The following RPGRIP1 variants were observed in gnomAD, a reference collection of about 807,000 sequenced individuals.
The protein encoded by RPGRIP1 is X-linked retinitis pigmentosa GTPase regulator-interacting protein 1.
A neutral mutation model predicts 157.9 loss-of-function variants in RPGRIP1; 128 were observed. The ratio of observed to expected loss-of-function variants is 0.81; its 90% CI spans 0.70 to 0.94. The LOEUF (loss-of-function observed/expected upper bound fraction) is 0.94, where lower values mean the gene tolerates loss of function less well. Among genes scored for constraint, RPGRIP1 ranks in the 40% least tolerant of loss-of-function variants. RPGRIP1 has a pLI of 0.00. For synonymous variants in RPGRIP1, 554 were observed against 571.6 expected (o/e 0.97, Z 0.44); for missense variants, 1,486 against 1,545.8 (o/e 0.96, Z 0.65).
chr14:21,293,128 A>G (rs1387901561), intron 2 of RPGRIP1, among the ~76,000 whole-genome samples: 1 of 152,154 alleles, frequency 6.6e-6, no homozygotes, highest in African/African-American at 2.4e-5. Context: ...CCTGGGCAAA[A>G]AGAGCGAAAC....
chr14:21,303,997 A>AG (rs141377760), intron 6 of RPGRIP1, among the ~76,000 whole-genome samples: 33,649 of 145,504 alleles, frequency 0.23, 4,279 homozygotes, highest in South Asian at 0.28. Context: ...TCAAAAAAAA[A>AG]AAAAGAAAAG....
chr14:21,293,748 T>G (rs565137991), intron 2 of RPGRIP1, among the ~76,000 whole-genome samples: 1 of 152,124 alleles, frequency 6.6e-6, no homozygotes, highest in Admixed American at 6.5e-5. Flanking sequence ...GTGTGGTGGC[T>G]GGCGCCTATA....
At chr14:21,310,780 G>A (rs1881508683) in intron 8 of RPGRIP1, 173 bp downstream of exon 8, 2 of 669,944 alleles carry the variant, frequency 3.0e-6, no homozygotes, top group Admixed American at 2.3e-5. Context: ...AAAAGATACA[G>A]ATACTTATTG....
intron 1 of RPGRIP1, among the ~76,000 whole-genome samples, chr14:21,280,438 G>T (rs1437529577): frequency 6.6e-6 from 1 of 151,882 alleles, no homozygotes; most frequent in Admixed American, 6.6e-5. Flanking sequence ...TAGAGACGGG[G>T]TTTCACCATG....
At position 21,325,280 on chromosome 14, in the gene RPGRIP1, G is replaced by C. The variant is rs754461580; in HGVS notation, c.2264G>C (p.Arg755Pro). 1.2e-6 allele frequency: 2 copies of C among 1,613,562 alleles called. No individual in the cohort carries two copies. The highest frequency in any genetic ancestry group is 1.7e-6 in the Non-Finnish European group (2 of 1,179,714). The change falls in exon 16 of 25, where the codon CGT (arginine) becomes CCT (proline). Residue 755 changes from arginine to proline, a missense_variant. Transcript: ENST00000400017. Reference sequence around the variant, plus strand: ...GTTCTAGAGTACTGGATGAGGCTGCGTTTCCCCATAAAACCCAGCCTACAG... The same window carrying C: ...GTTCTAGAGTACTGGATGAGGCTGCCTTTCCCCATAAAACCCAGCCTACAG... ...FGVLEYWMRL[R>P]FPIKPSLQAC... is the part of the protein sequence containing the mutation.
chr14:21,284,007 T>A (rs774513310), intron 1 of RPGRIP1, among the ~76,000 whole-genome samples: 7 of 152,202 alleles, frequency 4.6e-5, no homozygotes, highest in Non-Finnish European at 7.3e-5. Context: ...TTTCTTAAAA[T>A]AGGCATGCTA....
chr14:21,348,881 G>A (rs1594282910), intron 24 of RPGRIP1, among the ~76,000 whole-genome samples: 1 of 151,664 alleles, frequency 6.6e-6, no homozygotes, highest in Non-Finnish European at 1.5e-5. Context: ...GACTGGTCTC[G>A]AACTCCTGAC....
intron 3 of RPGRIP1, among the ~76,000 whole-genome samples, chr14:21,300,010 C>T (rs1218085510): frequency 1.3e-5 from 2 of 152,098 alleles, no homozygotes; most frequent in African/African-American, 4.8e-5. Context: ...TAATAACCTC[C>T]AAAGGCCGGG....
intron 1 of RPGRIP1, among the ~76,000 whole-genome samples, chr14:21,285,462 G>A (rs1446605271): frequency 2.0e-5 from 3 of 151,750 alleles, no homozygotes; most frequent in Admixed American, 6.6e-5. Context: ...AAAATTAGCC[G>A]GGCATGGTGG....
chr14:21,328,598 C>T lies in RPGRIP1; in HGVS notation c.3070C>T (p.Leu1024Phe), dbSNP rs1287851951. The T allele has an allele frequency of 6.2e-7, 1 of 1,613,376 alleles. No homozygotes were observed. Among genetic ancestry groups the T allele is most frequent in the East Asian group, 2.2e-5 (1 of 44,880 alleles). Residue 1024 changes from leucine to phenylalanine, a missense_variant, in exon 19 of 25, where the codon CTT becomes TTT. Coordinates refer to ENST00000400017, the MANE Select transcript of RPGRIP1 (RefSeq NM_020366.4). ...QGKNRMEYLS[L>F]NILNGNTPEQ... ...AAAGAATAGAATGGAGTATCTTAGC[C>T]TTAACATCTTAAATGGAAATACACC...
At position 21,307,762 on chromosome 14, in the gene RPGRIP1, C is replaced by A. The variant is rs587783018; in HGVS notation, c.832C>A (p.Arg278=). The change falls in exon 7 of 25, where the codon CGA becomes AGA. Residue 278 remains arginine (R), a synonymous_variant. Coordinates refer to ENST00000400017, the MANE Select transcript of RPGRIP1 (RefSeq NM_020366.4). ...ASIKEKVELI[R]LKKLLHERNA... is the part of the protein sequence containing the mutation. ...CATTAAAGAGAAGGTAGAGCTGATT[C>A]GACTTAAGAAGCTCTTACATGAAAG... 5 of 1,566,808 alleles carry A rather than the reference C, an allele frequency of 3.2e-6. No homozygotes were observed. Among genetic ancestry groups the A allele is most frequent in the South Asian group, 1.2e-5 (1 of 84,416 alleles).
At position 21,287,972 on chromosome 14, in the gene RPGRIP1, A is replaced by G; in HGVS notation, c.-5A>G. On this transcript the variant is annotated 5_prime_UTR_variant, in exon 2 of 25. Coordinates refer to ENST00000400017, the MANE Select transcript of RPGRIP1 (RefSeq NM_020366.4). ...GGGATCTCTTACAGCTTGGGAACAG[A>G]GATCATGTCACATCTGGTGGACCCT... is the stretch of plus-strand genomic sequence containing the variant. The G allele has an allele frequency of 6.2e-7, 1 of 1,606,416 alleles. No homozygotes were observed. The highest frequency in any genetic ancestry group is 8.5e-7 in the Non-Finnish European group (1 of 1,173,958).
intron 7 of RPGRIP1, among the ~76,000 whole-genome samples, chr14:21,309,482 G>A (rs951155103): frequency 1.3e-5 from 2 of 151,900 alleles, no homozygotes; most frequent in South Asian, 4.2e-4. Context: ...ATCCCGATAC[G>A]GCACCTCAGC....
intron 6 of RPGRIP1, among the ~76,000 whole-genome samples, chr14:21,306,901 G>T (rs563450550): frequency 1.9e-4 from 28 of 150,700 alleles, no homozygotes; most frequent in African/African-American, 6.8e-4. Context: ...TCAGCCTCCT[G>T]AGTAGCTGGG....
At chr14:21,329,587 C>T (rs1464675702) in intron 19 of RPGRIP1, among the ~76,000 whole-genome samples, 2 of 149,178 alleles carry the variant, frequency 1.3e-5, no homozygotes, top group African/African-American at 2.5e-5. Context: ...CTGCAACCTC[C>T]GCCTCCCAGG....
At chr14:21,292,151 C>CAGGA (rs1880556668) in intron 2 of RPGRIP1, among the ~76,000 whole-genome samples, 1 of 152,134 alleles carries the variant, frequency 6.6e-6, no homozygotes, top group Admixed American at 6.6e-5. Flanking sequence ...CATGGCCTTC[C>CAGGA]AAAGTGTTGA....
Position 21,324,745 on chromosome 14 carries a change from G to A in RPGRIP1, c.1890G>A (p.Leu630=). Residue 630 remains leucine (L), a synonymous_variant, in exon 15 of 25, where the codon CTG becomes CTA. Coordinates refer to ENST00000400017, the MANE Select transcript of RPGRIP1 (RefSeq NM_020366.4). ...LLHQGENLFE[L]HIHQAFLTSA... Reference sequence around the variant, plus strand: ...ATCAGGGTGAGAATCTTTTTGAACTGCACATCCACCAGGCCTTCCTGACAT... The same window carrying A: ...ATCAGGGTGAGAATCTTTTTGAACTACACATCCACCAGGCCTTCCTGACAT... 6.2e-7 allele frequency: 1 copy of A among 1,614,016 alleles called. No homozygotes were observed. The highest frequency in any genetic ancestry group is 8.5e-7 in the Non-Finnish European group (1 of 1,179,898).
At position 21,324,753 on chromosome 14, in the gene RPGRIP1, A is replaced by T; in HGVS notation, c.1898A>T (p.His633Leu). ...GAGAATCTTTTTGAACTGCACATCC[A>T]CCAGGCCTTCCTGACATCTGCCGCC... ...QGENLFELHI[H>L]QAFLTSAALA... The change falls in exon 15 of 25, where the codon CAC (histidine) becomes CTC (leucine). Residue 633 changes from histidine to leucine, a missense_variant. His to Leu is a moderately conservative substitution (Grantham distance 99). Coordinates refer to ENST00000400017, the MANE Select transcript of RPGRIP1 (RefSeq NM_020366.4). The T allele has an allele frequency of 6.2e-7, 1 of 1,614,008 alleles. No individual in the cohort carries two copies. Among genetic ancestry groups the T allele is most frequent in the Non-Finnish European group, 8.5e-7 (1 of 1,179,892 alleles).
intron 13 of RPGRIP1, 73 bp from the exon 14 acceptor site, chr14:21,321,781 C>T (rs557833671): frequency 1.4e-6 from 2 of 1,454,832 alleles, no homozygotes; most frequent in South Asian, 1.3e-5. Context: ...TTGACCTAGC[C>T]AGTGCCACAT....
Sources: allele counts gnomAD v4.1 joint callset (sites outside exome capture counted in the v4.1 genomes callset), GRCh38; gene constraint gnomAD v4.1.1; transcripts MANE v1.5; gene names NCBI Gene and HGNC (gene_info 2026-07-23, HGNC 2026-07-21).